AEBP2: variants seen among roughly 807,000 people sequenced by gnomAD.
AEBP2 encodes the protein AE binding protein 2, also known as zinc finger protein AEBP2.
In AEBP2, 10 loss-of-function variants were observed where a neutral mutation model predicts 50.8. That is an observed-to-expected ratio of 0.20 (90% CI 0.12 to 0.33). AEBP2 has a LOEUF of 0.33. AEBP2 is among the 10% of genes least tolerant of loss of function. The pLI is 1.00. For synonymous variants in AEBP2, 296 were observed against 261.3 expected (o/e 1.13, Z -1.28); for missense variants, 570 against 688.0 (o/e 0.83, Z 1.92).
chr12:19,459,673 A>G (rs1764802358), intron 1 of AEBP2, among the ~76,000 whole-genome samples: 1 of 152,218 alleles, frequency 6.6e-6, no homozygotes, highest in African/African-American at 2.4e-5. Flanking sequence ...TGAGAGTTTT[A>G]CAGAGATTAC....
intron 5 of AEBP2, among the ~76,000 whole-genome samples, chr12:19,501,764 T>C (rs1007024568): frequency 4.0e-5 from 6 of 151,268 alleles, no homozygotes; most frequent in African/African-American, 1.5e-4. Context: ...GGTTTGAACC[T>C]CTATTTCCGT....
rs1410589740 is a variant in AEBP2 at position 19,473,398 on chromosome 12, T to C, written c.987+43T>C. The C allele has an allele frequency of 9.3e-6, 6 of 646,414 alleles. 1 individual carries two copies. In the African/African-American group the frequency reaches 1.0e-4, roughly 11 times the overall value. The allele number at this position is 646,414 out of a possible 1,614,324, so 40.0% of individuals were successfully genotyped here. A position where few individuals can be genotyped will look rare whatever the true frequency, so the allele number is the denominator to read the frequency against. ...TAAAATTTATTTATTTATTTATTTA[T>C]TTATTTATTTATTTATTTATTTATG... On this transcript the variant is annotated intron_variant, in intron 3 of 7. Coordinates refer to ENST00000266508, the MANE Select transcript of AEBP2 (RefSeq NM_153207.5).
At chr12:19,492,603 A>C (rs1277642747) in intron 3 of AEBP2, among the ~76,000 whole-genome samples, 4 of 151,934 alleles carry the variant, frequency 2.6e-5, no homozygotes, top group African/African-American at 9.7e-5. Flanking sequence ...AAATAAAAAA[A>C]ATTTATTTAT....
chr12:19,423,064 CAAAAAAA>C (rs751550689), intron 1 of AEBP2, among the ~76,000 whole-genome samples: 18 of 35,044 alleles, frequency 5.1e-4, no homozygotes, highest in South Asian at 2.5e-3. Flanking sequence ...GACTCTGTCT[CAAAAAAA>C]AAAAAAAAAA....
intron 5 of AEBP2, among the ~76,000 whole-genome samples, chr12:19,501,927 A>G (rs1209343409): frequency 6.6e-6 from 1 of 151,698 alleles, no homozygotes; most frequent in Non-Finnish European, 1.5e-5. Context: ...CAAGAACCAC[A>G]ATAAAAATCA....
intron 2 of AEBP2, among the ~76,000 whole-genome samples, chr12:19,465,845 G>T (rs1234537237): frequency 6.8e-6 from 1 of 146,092 alleles, no homozygotes; most frequent in African/African-American, 2.5e-5. Context: ...GGGCTGGAGT[G>T]CAGTGGCACG....
chr12:19,514,503 C>G (rs1262487271), intron 6 of AEBP2, among the ~76,000 whole-genome samples, 168 bp from the exon 7 acceptor site: 1 of 152,170 alleles, frequency 6.6e-6, no homozygotes. Context: ...TCTGGGACTC[C>G]AAGTCCTGCT....
intron 1 of AEBP2, among the ~76,000 whole-genome samples, chr12:19,414,666 G>A (rs1354544897): frequency 6.6e-6 from 1 of 152,080 alleles, no homozygotes; most frequent in Non-Finnish European, 1.5e-5. Flanking sequence ...AGAGCTTGGG[G>A]ACCAGCACAG....
intron 1 of AEBP2, among the ~76,000 whole-genome samples, chr12:19,445,330 C>T (rs1470973733): frequency 6.6e-6 from 1 of 151,324 alleles, no homozygotes; most frequent in South Asian, 2.1e-4. Context: ...TCCTGAGTAT[C>T]TGGGATTACA....
At chr12:19,482,719 C>T (rs1397435646) in intron 3 of AEBP2, among the ~76,000 whole-genome samples, 3 of 152,086 alleles carry the variant, frequency 2.0e-5, no homozygotes, top group Non-Finnish European at 2.9e-5. Context: ...CAGGGTTAGG[C>T]GGAACTGGGC....
chr12:19,501,804 T>G (rs796780430), intron 5 of AEBP2, among the ~76,000 whole-genome samples: 4 of 138,684 alleles, frequency 2.9e-5, no homozygotes, highest in Non-Finnish European at 3.2e-5. Context: ...TTTGTTTTTT[T>G]TTTTTTTTTT....
chr12:19,459,457 T>C (rs1948332952), intron 1 of AEBP2, among the ~76,000 whole-genome samples: 1 of 152,128 alleles, frequency 6.6e-6, no homozygotes, highest in African/African-American at 2.4e-5. Context: ...GGTCTCGATC[T>C]CCTGACCTCG....
intron 3 of AEBP2, among the ~76,000 whole-genome samples, chr12:19,479,466 A>G (rs1948694821): frequency 6.6e-6 from 1 of 152,178 alleles, no homozygotes; most frequent in Admixed American, 6.6e-5. Context: ...GAAATTCATC[A>G]CAAAAAGATC....
chr12:19,479,045 C>CA (rs900980448), intron 3 of AEBP2, among the ~76,000 whole-genome samples: 4 of 151,956 alleles, frequency 2.6e-5, no homozygotes, highest in African/African-American at 7.2e-5. Flanking sequence ...CTTGTCTCAA[C>CA]AAAAAATAAA....
intron 2 of AEBP2, among the ~76,000 whole-genome samples, chr12:19,468,665 G>A (rs1948524969): frequency 6.6e-6 from 1 of 152,170 alleles, no homozygotes; most frequent in Non-Finnish European, 1.5e-5. Flanking sequence ...ACTGGTACAA[G>A]GATACACTGG....
intron 6 of AEBP2, 21 bp downstream of exon 6, chr12:19,512,486 G>A: frequency 1.4e-6 from 2 of 1,435,206 alleles, no homozygotes; most frequent in South Asian, 2.6e-5. Context: ...GAAATATTAT[G>A]CCTTAGTAAT....
intron 1 of AEBP2, among the ~76,000 whole-genome samples, chr12:19,408,072 A>G (rs1236172976): frequency 6.6e-6 from 1 of 151,942 alleles, no homozygotes; most frequent in Non-Finnish European, 1.5e-5. Context: ...AAAAAGTTTA[A>G]AATGTAAGGA....
intron 1 of AEBP2, among the ~76,000 whole-genome samples, chr12:19,433,745 G>T (rs1676184488): frequency 6.6e-6 from 1 of 151,918 alleles, no homozygotes; most frequent in South Asian, 2.1e-4. Context: ...GGAGGTTGCA[G>T]TGAACCGAGA....
chr12:19,427,032 T>C (rs1430976422), intron 1 of AEBP2, among the ~76,000 whole-genome samples: 1 of 152,136 alleles, frequency 6.6e-6, no homozygotes, highest in Non-Finnish European at 1.5e-5. Context: ...TCCAATTGAT[T>C]GAGGATTTGT....
Sources: gnomAD v4.1 joint callset for allele counts (sites outside exome capture counted in the v4.1 genomes callset) on GRCh38, gnomAD v4.1.1 for gene constraint, MANE v1.5 for transcripts, NCBI Gene and HGNC (gene_info 2026-07-23, HGNC 2026-07-21) for gene names.